MYO7B: variants seen among roughly 807,000 people sequenced by gnomAD.
MYO7B encodes the protein unconventional myosin-VIIb.
MYO7B carries 212 observed loss-of-function variants against 259.7 expected under a neutral mutation model. That is an observed-to-expected ratio of 0.82 (90% CI 0.73 to 0.91). The LOEUF is 0.91. Ranked by LOEUF, MYO7B falls within the 40% of genes least tolerant of loss-of-function variation. The probability of loss-of-function intolerance (pLI) is 0.00; values close to 1 mark genes in which losing one functional copy is unlikely to be tolerated. For missense variants in MYO7B, 2,732 were observed against 2,813.5 expected (o/e 0.97, Z 0.66); for synonymous variants, 1,197 against 1,166.4 (o/e 1.03, Z -0.54).
At position 127,627,960 on chromosome 2, in the gene MYO7B, T is replaced by C. The variant is rs750837255; in HGVS notation, c.4461-412T>C. ...TGACCATGCTGGGCACTTTCCTGTA[T>C]GCCACGAAGTACCGACAGCATCACC... is the stretch of plus-strand genomic sequence containing the variant. On this transcript the variant is annotated intron_variant, in intron 33 of 47. Transcript: ENST00000409816. This position sits in a 1 kb window ranked among gnomAD's most constrained non-coding sequence, Gnocchi z 5.6. 1.7e-5 allele frequency: 8 copies of C among 463,444 alleles called. No homozygotes were observed. The highest frequency in any genetic ancestry group is 2.3e-5 in the Admixed American group (1 of 42,748). The allele number at this position is 463,444 out of a possible 1,614,324, so 28.7% of individuals were successfully genotyped here.
Position 127,628,579 on chromosome 2 carries a change from G to GC in MYO7B, c.4624+44_4624+45insC. On this transcript the variant is annotated intron_variant, in intron 34 of 47. Coordinates refer to ENST00000409816, the MANE Select transcript of MYO7B (RefSeq NM_001393586.1). The surrounding 1 kb of genome is among the most constrained non-coding windows in gnomAD (Gnocchi z 4.8). ...TGGGGTGGGGTGGGGTGGGGTGGGG[G>GC]AGGGCCGCGCATGGGGTCTGTAGGT... The GC allele has an allele frequency of 2.4e-6, 1 of 423,868 alleles. No individual in the cohort carries two copies. Among genetic ancestry groups the GC allele is most frequent in the Non-Finnish European group, 4.6e-6 (1 of 217,086 alleles). 26.3% of individuals were successfully genotyped at this position (423,868 alleles called of 1,614,324 possible). A position where few individuals can be genotyped will look rare whatever the true frequency, so the allele number is the denominator to read the frequency against.
At chr2:127,560,801 G>A (rs1678053807) in intron 2 of MYO7B, among the ~76,000 whole-genome samples, 1 of 152,160 alleles carries the variant, frequency 6.6e-6, no homozygotes, top group African/African-American at 2.4e-5. Flanking sequence ...CTCCTCCTGA[G>A]TGCAAAGCCA....
rs36105119 is a variant in MYO7B at position 127,597,611 on chromosome 2, ATATTTATTTATTTATTTATTTATTTATT to A, written c.2339+1069_2339+1096del. On this transcript the variant is annotated intron_variant, in intron 19 of 47. Transcript: ENST00000409816. This position sits in a 1 kb window ranked among gnomAD's most constrained non-coding sequence, Gnocchi z 4.8. ...TTCATCCAGGTTATTGCTTGCATTA[ATATTTATTTATTTATTTATTTATTTATT>A]TATTTATTTATTTGAAACAAAGTCT... 6.9e-6 allele frequency among the ~76,000 whole-genome samples: 1 copy of A among 145,792 alleles called. No individual in the cohort carries two copies. Among genetic ancestry groups the A allele is most frequent in the South Asian group, 2.2e-4 (1 of 4,500 alleles).
rs1680993121 is a variant in MYO7B at position 127,624,236 on chromosome 2, C to G, written c.3963C>G (p.Asp1321Glu). 2 of 1,596,664 alleles carry G rather than the reference C, an allele frequency of 1.3e-6. No homozygotes were observed. The highest frequency in any genetic ancestry group is 2.3e-5 in the South Asian group (2 of 87,586). ...AGGAATTCTTCACCCCCTGGCACGA[C>G]TCCCGGGAGGACCCTGTCAGCACCG... ...FRKEFFTPWH[D>E]SREDPVSTEL... Residue 1321 changes from aspartate to glutamate, a missense_variant, in exon 30 of 48, where the codon GAC becomes GAG. Asp to Glu is a conservative substitution (Grantham distance 45, BLOSUM62 2). Coordinates refer to ENST00000409816, the MANE Select transcript of MYO7B (RefSeq NM_001393586.1).
chr2:127,593,759 A>G lies in MYO7B; in HGVS notation c.2244+115A>G, dbSNP rs534480787. 6 of 916,116 alleles carry G rather than the reference A, an allele frequency of 6.5e-6. No individual in the cohort carries two copies. The African/African-American group carries it at 6.6e-5, about 10-fold the overall frequency. 56.7% of individuals were successfully genotyped at this position (916,116 alleles called of 1,614,324 possible). On this transcript the variant is annotated intron_variant, in intron 18 of 47. Coordinates refer to ENST00000409816, the MANE Select transcript of MYO7B (RefSeq NM_001393586.1). ...GTGCCCTGAGCCAATGACACTGGGCAGCAGCTCAAAGTGTGGTCCCCACCC... is the reference window on the plus strand; with the variant it reads ...GTGCCCTGAGCCAATGACACTGGGCGGCAGCTCAAAGTGTGGTCCCCACCC...
At chr2:127,594,490 A>G (rs1316870337) in intron 18 of MYO7B, among the ~76,000 whole-genome samples, 2 of 152,188 alleles carry the variant, frequency 1.3e-5, no homozygotes, top group Non-Finnish European at 1.5e-5. Context: ...TTGGCTGTGC[A>G]GTAGTCAGGC....
At chr2:127,608,596 C>A in intron 21 of MYO7B, 112 bp from the exon 22 acceptor site, 23 of 1,146,754 alleles carry the variant, frequency 2.0e-5, no homozygotes, top group Non-Finnish European at 2.8e-5. Flanking sequence ...CAAATGATGG[C>A]AGGATGAGGC....
rs1679268123 is a variant in MYO7B at position 127,585,480 on chromosome 2, TGGC to T, written c.1690+570_1690+572del. Among the ~76,000 whole-genome samples, 1 of 152,230 alleles carries T rather than the reference TGGC, an allele frequency of 6.6e-6. No homozygotes were observed. The highest frequency in any genetic ancestry group is 2.4e-5 in the African/African-American group (1 of 41,452). On this transcript the variant is annotated intron_variant, in intron 14 of 47. Transcript: ENST00000409816. The surrounding 1 kb of genome is among the most constrained non-coding windows in gnomAD (Gnocchi z 4.3). Reference sequence around the variant, plus strand: ...CTGGAATGTTTATCTCGTCATCAGTTGGCGGACATTTGGGTTTTTTCCACTTTT... The same window carrying T: ...CTGGAATGTTTATCTCGTCATCAGTTGGACATTTGGGTTTTTTCCACTTTT...
intron 39 of MYO7B, 80 bp from the exon 40 acceptor site, chr2:127,633,178 T>C: frequency 8.9e-7 from 1 of 1,117,804 alleles, no homozygotes; most frequent in Non-Finnish European, 1.3e-6. Flanking sequence ...TGGCACATGG[T>C]TTAGGGCCCA....
intron 37 of MYO7B, 92 bp from the exon 38 acceptor site, chr2:127,631,508 G>A: frequency 1.3e-6 from 2 of 1,531,226 alleles, no homozygotes; most frequent in South Asian, 2.6e-5. Context: ...CCCACACATG[G>A]CTCACCGCAG....
In MYO7B at chr2:127,636,222, C is replaced by T. The variant is rs1418087787; in HGVS notation, c.6021C>T (p.Ala2007=). The T allele has an allele frequency of 1.2e-6, 2 of 1,613,008 alleles. No individual in the cohort carries two copies. Among genetic ancestry groups the T allele is most frequent in the East Asian group, 2.2e-5 (1 of 44,874 alleles). The change falls in exon 45 of 48, where the codon GCC becomes GCT. Residue 2007 remains alanine (A), a synonymous_variant. Transcript: ENST00000409816. The surrounding 1 kb of genome is among the most constrained non-coding windows in gnomAD (Gnocchi z 4.5). ...SEEWKKSILL[A]YDKHKDKTVE... is the part of the protein sequence containing the mutation. ...CTGTCCCCCAGAGCATCCTTCTAGC[C>T]TATGACAAGCATAAGGACAAGACAG...
chr2:127,634,664 G>A lies in MYO7B; in HGVS notation c.5694G>A (p.Lys1898=), dbSNP rs1460233067. 3 of 1,612,548 alleles carry A rather than the reference G, an allele frequency of 1.9e-6. No individual in the cohort carries two copies. Among genetic ancestry groups the A allele is most frequent in the East Asian group, 2.2e-5 (1 of 44,864 alleles). ...GGGAGGTGTCTGACTGGGTGAAGAA[G>A]AACAAGCCCCAGAAAGAAGGTGAGG... The part of the protein sequence containing the change: ...SLREVSDWVK[K]NKPQKEGAPV... Residue 1898 remains lysine (K), a synonymous_variant, in exon 42 of 48, where the codon AAG becomes AAA. Coordinates refer to ENST00000409816, the MANE Select transcript of MYO7B (RefSeq NM_001393586.1).
At position 127,622,036 on chromosome 2, in the gene MYO7B, G is replaced by C. The variant is rs142561271; in HGVS notation, c.3580G>C (p.Glu1194Gln). Residue 1194 changes from glutamate (E) to glutamine (Q), a missense_variant, in exon 28 of 48, where the codon GAG becomes CAG. By Grantham distance (29) the Glu-to-Gln change is conservative (BLOSUM62 2). Transcript: ENST00000409816. ...GGCGACCTACGGCCCCTTCTGTGCC[G>C]AGCGCCTGAGACGCACCTATGCCAA... ...GPATYGPFCA[E>Q]RLRRTYANGV... 2 of 1,551,612 alleles carry C rather than the reference G, an allele frequency of 1.3e-6. No homozygotes were observed. The highest frequency in any genetic ancestry group is 8.7e-7 in the Non-Finnish European group (1 of 1,147,006).
intron 7 of MYO7B, among the ~76,000 whole-genome samples, chr2:127,575,357 C>A (rs1011155810): frequency 1.3e-5 from 2 of 152,060 alleles, no homozygotes; most frequent in African/African-American, 4.8e-5. Flanking sequence ...GTTCATAGAA[C>A]TTGTCACCCA....
intron 1 of MYO7B, among the ~76,000 whole-genome samples, chr2:127,543,515 C>T (rs1236700205): frequency 6.6e-6 from 1 of 152,076 alleles, no homozygotes; most frequent in Non-Finnish European, 1.5e-5. Flanking sequence ...TACATAGACA[C>T]AGTAACAGTC....
At chr2:127,582,535 G>C in intron 12 of MYO7B, 89 bp downstream of exon 12, 1 of 1,475,278 alleles carries the variant, frequency 6.8e-7, no homozygotes, top group Non-Finnish European at 9.2e-7. Context: ...GAGGGGAGCC[G>C]TCACCCTGCA....
Position 127,590,077 on chromosome 2 carries a change from T to C in MYO7B, c.1855-15T>C, listed in dbSNP as rs1284900294. ...GCTCCTGAGACCCACTTGTGCTCTG[T>C]GCTTCCATTCACAGTCTGCAGACTC... On this transcript the variant is annotated splice_polypyrimidine_tract_variant and intron_variant, in intron 15 of 47. Transcript: ENST00000409816. The surrounding 1 kb of genome is among the most constrained non-coding windows in gnomAD (Gnocchi z 4.6). The C allele has an allele frequency of 6.4e-7, 1 of 1,563,438 alleles. No individual in the cohort carries two copies.
intron 6 of MYO7B, 63 bp from the exon 7 acceptor site, chr2:127,573,857 T>C (rs1392775190): frequency 3.8e-6 from 6 of 1,598,986 alleles, no homozygotes; most frequent in Non-Finnish European, 5.1e-6. Flanking sequence ...TCTTACATGA[T>C]CCCACTCAAA....
rs529133847 is a variant in MYO7B, at chr2:127,539,285, G to A, written c.-24+3454G>A. On this transcript the variant is annotated intron_variant, in intron 1 of 47. Transcript: ENST00000409816. The surrounding 1 kb of genome is among the most constrained non-coding windows in gnomAD (Gnocchi z 4.0). The stretch of plus-strand genomic sequence containing the variant: ...AAGGTAGGAAAATACACTGCAGCTG[G>A]GAAAATGTTAGTAAACAAAATGTAC... 4.7e-4 allele frequency among the ~76,000 whole-genome samples: 71 copies of A among 152,260 alleles called. No homozygotes were observed. The highest frequency in any genetic ancestry group is 1.6e-3 in the African/African-American group (68 of 41,530).
Sources: allele counts gnomAD v4.1 joint callset (sites outside exome capture counted in the v4.1 genomes callset), GRCh38; gene constraint gnomAD v4.1.1; non-coding constraint Gnocchi (gnomAD v3.1); transcripts MANE v1.5; gene names NCBI Gene and HGNC (gene_info 2026-07-23, HGNC 2026-07-21).